The following CSMD3 variants were observed in gnomAD, a reference collection of about 807,000 sequenced individuals.
The protein encoded by CSMD3 is CUB and sushi domain-containing protein 3.
Under a neutral mutation model 435.2 loss-of-function variants are expected in CSMD3, and 177 were observed. The observed-to-expected ratio is 0.41, with a 90% CI of 0.36 to 0.46. The LOEUF (loss-of-function observed/expected upper bound fraction) is 0.46, where lower values mean the gene tolerates loss of function less well. Ranked by LOEUF, CSMD3 falls within the 20% of genes least tolerant of loss-of-function variation. The pLI is 0.34. For missense variants in CSMD3, 4,265 were observed against 4,504.6 expected, an observed-to-expected ratio of 0.95 and a Z score of 1.52; for synonymous variants, 1,656 against 1,520.5, an observed-to-expected ratio of 1.09 and a Z score of -2.07.
At chr8:112,284,715 A>C (rs1326604279) in intron 58 of CSMD3, among the ~76,000 whole-genome samples, 2 of 151,832 alleles carry the variant, frequency 1.3e-5, no homozygotes, top group Non-Finnish European at 2.9e-5. Context: ...TAATATTTCT[A>C]TTTTCCTTGG....
intron 5 of CSMD3, among the ~76,000 whole-genome samples, chr8:113,042,426 T>C (rs1445829237): frequency 1.3e-5 from 2 of 152,174 alleles, no homozygotes; most frequent in African/African-American, 2.4e-5. Flanking sequence ...ATAGTTTTCT[T>C]TACAGTACCT....
intron 14 of CSMD3, 91 bp downstream of exon 14, chr8:112,689,777 G>C (rs990628103): frequency 2.5e-5 from 27 of 1,085,134 alleles, no homozygotes; most frequent in Non-Finnish European, 3.8e-5. Context: ...ATAATTACAC[G>C]GTTGCAGCTC....
intron 59 of CSMD3, among the ~76,000 whole-genome samples, chr8:112,270,124 C>T (rs769838134): frequency 1.4e-4 from 22 of 152,066 alleles, no homozygotes; most frequent in Admixed American, 3.9e-4. Context: ...AGTCTGAAGC[C>T]GGTTGAATAA....
At chr8:112,320,630 C>A (rs1822905518) in intron 45 of CSMD3, among the ~76,000 whole-genome samples, 2 of 128,354 alleles carry the variant, frequency 1.6e-5, no homozygotes, top group Non-Finnish European at 3.3e-5. Flanking sequence ...CGAATGCTAT[C>A]CCTCCCCCCT....
intron 13 of CSMD3, among the ~76,000 whole-genome samples, chr8:112,714,051 G>A (rs1274411195): frequency 1.3e-5 from 2 of 152,170 alleles, no homozygotes; most frequent in East Asian, 1.9e-4. Flanking sequence ...CATGATGACA[G>A]GATCAAATTC....
At chr8:113,082,147 G>A (rs1282005468) in intron 5 of CSMD3, among the ~76,000 whole-genome samples, 1 of 151,182 alleles carries the variant, frequency 6.6e-6, no homozygotes, top group Non-Finnish European at 1.5e-5. Flanking sequence ...CTCTACCTAG[G>A]ACCTGTTGCT....
intron 4 of CSMD3, among the ~76,000 whole-genome samples, chr8:113,125,184 C>T (rs1401864054): frequency 2.6e-4 from 39 of 151,884 alleles, no homozygotes; most frequent in Non-Finnish European, 4.4e-5. Context: ...AGTCTTTGAA[C>T]AAGGAATTTT....
chr8:112,769,526 A>G (rs2078060009), intron 13 of CSMD3, among the ~76,000 whole-genome samples: 1 of 152,090 alleles, frequency 6.6e-6, no homozygotes, highest in Admixed American at 6.6e-5. Context: ...CAAAGTGCTG[A>G]ATTTTAAATC....
At chr8:113,235,974 A>G (rs2132216218) in intron 3 of CSMD3, among the ~76,000 whole-genome samples, 1 of 152,262 alleles carries the variant, frequency 6.6e-6, no homozygotes, top group Middle Eastern at 3.4e-3. Flanking sequence ...CCCAATCACC[A>G]GTCCATCAGC....
chr8:112,784,164 A>G (rs912412059), intron 13 of CSMD3, among the ~76,000 whole-genome samples: 2 of 152,088 alleles, frequency 1.3e-5, no homozygotes, highest in African/African-American at 4.8e-5. Context: ...ATAATTAAGC[A>G]ATATGCTCCT....
intron 66 of CSMD3, among the ~76,000 whole-genome samples, chr8:112,238,959 T>G (rs1813854861): frequency 6.6e-6 from 1 of 152,068 alleles, no homozygotes; most frequent in Non-Finnish European, 1.5e-5. Context: ...GTAATGAACT[T>G]CAATCTAACT....
intron 3 of CSMD3, among the ~76,000 whole-genome samples, chr8:113,181,872 T>G (rs977327703): frequency 6.6e-6 from 1 of 152,012 alleles, no homozygotes; most frequent in Admixed American, 6.6e-5. Flanking sequence ...ATGAATAGGC[T>G]CTCCTCTGAC....
At chr8:113,393,004 CAT>C (rs1181325489) in intron 1 of CSMD3, among the ~76,000 whole-genome samples, 47 of 151,060 alleles carry the variant, frequency 3.1e-4, no homozygotes, top group Admixed American at 5.9e-4. Flanking sequence ...TATATATACA[CAT>C]GTGTTTTTTT....
At chr8:112,306,287 G>T in intron 50 of CSMD3, 95 bp from the exon 51 acceptor site, 2 of 888,760 alleles carry the variant, frequency 2.3e-6, no homozygotes. Flanking sequence ...CAAAACTAAC[G>T]GGGATTTTTA....
rs1486071610 is a variant in CSMD3 at position 112,783,412 on chromosome 8, A to AGGAG, written c.1972+16746_1972+16749dup. Reference sequence around the variant, plus strand: ...AACGAAGGAAGGAAGGAAGGAAGGAAGGAGGGAGGGAGGGAAGGAAGGAAG... The same window carrying AGGAG: ...AACGAAGGAAGGAAGGAAGGAAGGAAGGAGGGAGGGAGGGAGGGAAGGAAGGAAG... On this transcript the variant is annotated intron_variant, in intron 13 of 70. Transcript: ENST00000297405. 8.0e-4 allele frequency among the ~76,000 whole-genome samples: 63 copies of AGGAG among 78,896 alleles called. 3 individuals are homozygous for AGGAG. The highest frequency in any genetic ancestry group is 3.4e-3 in the South Asian group (6 of 1,742). 51.8% of individuals were successfully genotyped at this position (78,896 alleles called of 152,430 possible).
chr8:113,177,025 TA>T (rs752561724), intron 3 of CSMD3, among the ~76,000 whole-genome samples: 96 of 151,698 alleles, frequency 6.3e-4, no homozygotes, highest in Non-Finnish European at 1.2e-3. Context: ...TGATATTGCT[TA>T]AAATACATAA....
chr8:113,026,060 A>C (rs2086864966), intron 5 of CSMD3, among the ~76,000 whole-genome samples: 2 of 152,192 alleles, frequency 1.3e-5, no homozygotes, highest in South Asian at 4.1e-4. Flanking sequence ...TAGGGGGTGC[A>C]CATAGGCTCC....
At chr8:112,937,352 G>GTT (rs5894122) in intron 9 of CSMD3, among the ~76,000 whole-genome samples, 1,935 of 135,218 alleles carry the variant, frequency 0.014, 54 homozygotes, top group African/African-American at 0.042. Flanking sequence ...AGGTAATAAT[G>GTT]TTTTTTTTTT....
chr8:112,389,896 T>G (rs1316595366), intron 36 of CSMD3, among the ~76,000 whole-genome samples: 1 of 152,152 alleles, frequency 6.6e-6, no homozygotes, highest in Non-Finnish European at 1.5e-5. Context: ...ACTGGTCAAA[T>G]AGCAGCCCCC....
Sources: allele counts gnomAD v4.1 joint callset (sites outside exome capture counted in the v4.1 genomes callset), GRCh38; gene constraint gnomAD v4.1.1; transcripts MANE v1.5; gene names NCBI Gene and HGNC (gene_info 2026-07-23, HGNC 2026-07-21).